SLC14A2: variants seen among roughly 807,000 people sequenced by gnomAD.
The protein encoded by SLC14A2 is solute carrier family 14 member 2, also known as urea transporter 2.
In SLC14A2, 91 loss-of-function variants were observed where a neutral mutation model predicts 104.6. The observed-to-expected ratio is 0.87, with a 90% CI of 0.73 to 1.04. The LOEUF (loss-of-function observed/expected upper bound fraction) is 1.04. Among genes scored for constraint, SLC14A2 ranks in the 50% least tolerant of loss-of-function variants. The pLI is 0.00. For missense variants in SLC14A2, 1,189 were observed against 1,156.0 expected (o/e 1.03, Z -0.41); for synonymous variants, 476 against 466.4 (o/e 1.02, Z -0.27).
At chr18:45,298,804 G>A (rs779401201) in intron 1 of SLC14A2, among the ~76,000 whole-genome samples, 12 of 152,158 alleles carry the variant, frequency 7.9e-5, no homozygotes, top group Non-Finnish European at 1.5e-4. Flanking sequence ...TTCAATGGGA[G>A]GAGTGGGGGA....
At chr18:45,627,176 A>C in intron 4 of SLC14A2, 29 bp downstream of exon 4, 2 of 1,595,382 alleles carry the variant, frequency 1.3e-6, no homozygotes, top group Non-Finnish European at 1.7e-6. Flanking sequence ...GGATTTTAGC[A>C]AGATGTGTGG....
chr18:45,354,093 A>G (rs1280199447), intron 1 of SLC14A2, among the ~76,000 whole-genome samples: 1 of 152,164 alleles, frequency 6.6e-6, no homozygotes, highest in East Asian at 1.9e-4. Context: ...GGTAGAGTTG[A>G]CATAAGTTAT....
intron 1 of SLC14A2, among the ~76,000 whole-genome samples, chr18:45,368,653 G>A (rs1338658656): frequency 1.4e-4 from 21 of 152,228 alleles, no homozygotes; most frequent in Admixed American, 1.4e-3. Context: ...GGACTCCAGT[G>A]TTGAGGTCAG....
In SLC14A2 at chr18:45,512,152, G is replaced by T. The variant is rs1008795285; in HGVS notation, c.-35+28830G>T. On this transcript the variant is annotated intron_variant, in intron 2 of 20. Transcript: ENST00000586448. ...GATGCATGTACAGGAGCACATTTCA[G>T]CAGAAAGAGAAATGCTTGGGAACTA... 2.0e-5 allele frequency among the ~76,000 whole-genome samples: 3 copies of T among 152,206 alleles called. No individual in the cohort carries two copies. In the South Asian group the frequency reaches 6.2e-4, roughly 31 times the overall value.
At chr18:45,183,768 G>C in the SLC14A2 span, among the ~76,000 whole-genome samples, 1 of 150,114 alleles carries the variant, frequency 6.7e-6, no homozygotes, top group Non-Finnish European at 1.5e-5. Context: ...GCCTTGCTCT[G>C]TGGCTCAGGC....
chr18:45,387,474 A>C lies in SLC14A2; in HGVS notation c.-124-95759A>C, dbSNP rs74438592. On this transcript the variant is annotated intron_variant, in intron 1 of 20. Transcript: ENST00000586448. ...AAAGCAAGGGCAGTCTCTAATTCTA[A>C]GTCTCCCTAGCAGTGTGCTTCATAG... Among the ~76,000 whole-genome samples, 12 of 152,328 alleles carry C rather than the reference A, an allele frequency of 7.9e-5. No individual in the cohort carries two copies. In the East Asian group the frequency reaches 2.3e-3, roughly 29 times the overall value.
intron 1 of SLC14A2, among the ~76,000 whole-genome samples, chr18:45,309,126 A>AG (rs1319202199): frequency 6.6e-6 from 1 of 152,166 alleles, no homozygotes; most frequent in Non-Finnish European, 1.5e-5. Flanking sequence ...TCTCTATGCC[A>AG]AGGTTCTATC....
intron 1 of SLC14A2, among the ~76,000 whole-genome samples, chr18:45,283,535 G>T (rs1390237700): frequency 2.0e-5 from 3 of 152,170 alleles, no homozygotes; most frequent in African/African-American, 7.2e-5. Flanking sequence ...AAAAAATGCT[G>T]CAGTCACTAG....
chr18:45,396,627 G>GT lies in SLC14A2; in HGVS notation c.-124-86601dup, dbSNP rs770748424. On this transcript the variant is annotated intron_variant, in intron 1 of 20. Coordinates refer to the SLC14A2 transcript ENST00000586448. The stretch of plus-strand genomic sequence containing the variant: ...TTGGGAGTCAACCTGGTTTTTTTTT[G>GT]TTTTTGTTTTTTTTCTTTTTTCCCT... Among the ~76,000 whole-genome samples, 361 of 120,622 alleles carry GT rather than the reference G, an allele frequency of 3.0e-3. 2 individuals are homozygous for GT. Among genetic ancestry groups the GT allele is most frequent in the Non-Finnish European group, 4.1e-3 (234 of 56,764 alleles). The allele number at this position is 120,622 out of a possible 152,430, so 79.1% of individuals were successfully genotyped here. A position where few individuals can be genotyped will look rare whatever the true frequency, so the allele number is the denominator to read the frequency against.
At chr18:45,493,244 C>A (rs2043033154) in intron 2 of SLC14A2, 1 of 152,164 alleles carries the variant, frequency 6.6e-6, no homozygotes, top group Admixed American at 6.5e-5. Context: ...TAATGATTTG[C>A]AACTTGTTTT....
At chr18:45,586,314 C>T (rs1247753693) in intron 2 of SLC14A2, among the ~76,000 whole-genome samples, 1 of 152,164 alleles carries the variant, frequency 6.6e-6, no homozygotes, top group African/African-American at 2.4e-5. Context: ...GTGCGCCTGC[C>T]TTGTCCAAGG....
chr18:45,457,238 T>C (rs947301014), intron 1 of SLC14A2, among the ~76,000 whole-genome samples: 4 of 152,160 alleles, frequency 2.6e-5, no homozygotes, highest in Non-Finnish European at 5.9e-5. Flanking sequence ...ACTGGATCAA[T>C]AGAGTACAGT....
chr18:45,404,798 G>A (rs1292223454), intron 1 of SLC14A2, among the ~76,000 whole-genome samples: 1 of 152,220 alleles, frequency 6.6e-6, no homozygotes, highest in Non-Finnish European at 1.5e-5. Flanking sequence ...AGTCTTCTGT[G>A]TGTGGAGAAA....
At chr18:45,641,075 T>C in intron 7 of SLC14A2, 134 bp from the exon 8 acceptor site, 2 of 817,008 alleles carry the variant, frequency 2.4e-6, no homozygotes, top group Non-Finnish European at 3.8e-6. Flanking sequence ...TTGTAGAGGC[T>C]CTTTTGATGG....
chr18:45,356,777 A>G (rs1352098187), intron 1 of SLC14A2, among the ~76,000 whole-genome samples: 1 of 152,202 alleles, frequency 6.6e-6, no homozygotes, highest in Non-Finnish European at 1.5e-5. Context: ...AACTCTGGGT[A>G]GTGTCTGGGA....
the SLC14A2 span, among the ~76,000 whole-genome samples, chr18:45,188,020 G>A: frequency 2.6e-5 from 4 of 152,040 alleles, no homozygotes; most frequent in African/African-American, 9.7e-5. Context: ...GCTAATAGAG[G>A]GTGTTACCTA....
intron 2 of SLC14A2, among the ~76,000 whole-genome samples, chr18:45,601,164 A>G (rs2044786135): frequency 6.6e-6 from 1 of 152,208 alleles, no homozygotes; most frequent in Non-Finnish European, 1.5e-5. Flanking sequence ...AAAACAAAAG[A>G]GAATGCGCGG....
At chr18:45,361,023 G>T (rs1351048002) in intron 1 of SLC14A2, among the ~76,000 whole-genome samples, 1 of 152,028 alleles carries the variant, frequency 6.6e-6, no homozygotes, top group Non-Finnish European at 1.5e-5. Flanking sequence ...AAATGCAATG[G>T]ACAGGACCCG....
intron 1 of SLC14A2, among the ~76,000 whole-genome samples, chr18:45,433,556 C>T (rs949611684): frequency 1.1e-4 from 17 of 152,190 alleles, no homozygotes; most frequent in African/African-American, 3.6e-4. Flanking sequence ...CACACTTCTC[C>T]GCCTTGTACC....
Sources: allele counts gnomAD v4.1 joint callset (sites outside exome capture counted in the v4.1 genomes callset), GRCh38; gene constraint gnomAD v4.1.1; transcripts MANE v1.5; gene names NCBI Gene and HGNC (gene_info 2026-07-23, HGNC 2026-07-21).